The following TSPAN18 variants were observed in gnomAD, a reference collection of about 807,000 sequenced individuals.
TSPAN18 encodes the protein tetraspanin-18.
A neutral mutation model predicts 27.3 loss-of-function variants in TSPAN18; 14 were observed. That is an observed-to-expected ratio of 0.51 (90% CI 0.34 to 0.80). The LOEUF is 0.80. Among genes scored for constraint, TSPAN18 ranks in the 30% least tolerant of loss-of-function variants. The pLI, the probability that TSPAN18 is intolerant of heterozygous loss-of-function variation, is 0.01. For missense variants in TSPAN18, 268 were observed against 323.9 expected, an observed-to-expected ratio of 0.83 and a Z score of 1.32; for synonymous variants, 143 against 136.5, an observed-to-expected ratio of 1.05 and a Z score of -0.33.
intron 2 of TSPAN18, among the ~76,000 whole-genome samples, chr11:44,828,981 TC>T (rs768133622): frequency 1.2e-4 from 18 of 152,156 alleles, no homozygotes; most frequent in Non-Finnish European, 2.5e-4. Context: ...CAATCCCATC[TC>T]TCTACTATAA....
chr11:44,730,663 G>A lies in TSPAN18; in HGVS notation c.-240+3376G>A, dbSNP rs562457075. 6.0e-5 allele frequency among the ~76,000 whole-genome samples: 9 copies of A among 148,796 alleles called. No individual in the cohort carries two copies. The East Asian group carries it at 7.9e-4, about 13-fold the overall frequency. On this transcript the variant is annotated intron_variant, in intron 1 of 9. Transcript: ENST00000520358. ...TTTTGAGAGACAGTCTTGCTCTGTC[G>A]CCCAGGCTGGAGTGCAGTGGTGCGA...
At chr11:44,775,321 G>A (rs574619986) in intron 2 of TSPAN18, among the ~76,000 whole-genome samples, 2 of 152,156 alleles carry the variant, frequency 1.3e-5, no homozygotes, top group Non-Finnish European at 2.9e-5. Context: ...TGGGAACCCC[G>A]TACCTGGAGT....
intron 5 of TSPAN18, among the ~76,000 whole-genome samples, chr11:44,916,180 G>A (rs758192858): frequency 3.3e-5 from 5 of 152,296 alleles, no homozygotes; most frequent in Non-Finnish European, 5.9e-5. Context: ...CTCCCGAGGC[G>A]CTCACTAAGG....
chr11:44,853,556 C>T (rs1405685565), intron 2 of TSPAN18, among the ~76,000 whole-genome samples: 1 of 152,176 alleles, frequency 6.6e-6, no homozygotes, highest in African/African-American at 2.4e-5. Flanking sequence ...TGATAACTGC[C>T]ATCGTCTCCG....
chr11:44,802,173 G>A (rs1299808258), intron 2 of TSPAN18, among the ~76,000 whole-genome samples: 1 of 152,024 alleles, frequency 6.6e-6, no homozygotes, highest in Non-Finnish European at 1.5e-5. Context: ...AATAGAGGGG[G>A]AGTTTGGGAA....
chr11:44,754,267 A>C (rs545229197), intron 1 of TSPAN18, among the ~76,000 whole-genome samples: 9 of 152,304 alleles, frequency 5.9e-5, no homozygotes, highest in African/African-American at 2.2e-4. Context: ...ATAAAGTCTG[A>C]ATTAATAGCC....
chr11:44,820,112 C>G (rs970468151), intron 2 of TSPAN18, among the ~76,000 whole-genome samples: 1 of 152,218 alleles, frequency 6.6e-6, no homozygotes, highest in Admixed American at 6.5e-5. Context: ...AGAATTCTAT[C>G]TCTGGCCAGG....
At position 44,880,875 on chromosome 11, in the gene TSPAN18, G is replaced by C. The variant is rs1858471011; in HGVS notation, c.-11+20406G>C. ...CCGCTCAATGCTGGGCAGGACAGCA[G>C]ACTGCAGGGGTGGGCAACATGACAC... On this transcript the variant is annotated intron_variant, in intron 3 of 9. Coordinates refer to ENST00000520358, the MANE Select transcript of TSPAN18 (RefSeq NM_130783.5). Among the ~76,000 whole-genome samples the C allele has an allele frequency of 2.0e-5, 3 of 152,258 alleles. No individual in the cohort carries two copies. In the South Asian group the frequency reaches 6.2e-4, roughly 31 times the overall value.
intron 3 of TSPAN18, among the ~76,000 whole-genome samples, chr11:44,900,801 C>T (rs760178801): frequency 7.7e-5 from 11 of 142,194 alleles, no homozygotes; most frequent in Non-Finnish European, 1.7e-4. Context: ...TCAAGCAATT[C>T]TCCTGCCTCA....
rs776698664 is a variant in TSPAN18 at position 44,912,383 on chromosome 11, C to T, written c.258+2484C>T. 1.7e-4 allele frequency among the ~76,000 whole-genome samples: 26 copies of T among 151,888 alleles called. No homozygotes were observed. In the East Asian group the frequency reaches 2.7e-3, roughly 16 times the overall value. ...TTTCCTTGTCCCTGTCCTGATCTCT[C>T]CCTCCCCGTTTCCCTGTCTCTCTCT... is the stretch of plus-strand genomic sequence containing the variant. On this transcript the variant is annotated intron_variant, in intron 5 of 9. Transcript: ENST00000520358.
At position 44,906,466 on chromosome 11, in the gene TSPAN18, A is replaced by G. The variant is rs767452971; in HGVS notation, c.50A>G (p.Asn17Ser). ...SCMKYLMFVF[N>S]FFIFLGGACL... ...ATGAAGTATCTGATGTTTGTATTCA[A>G]TTTCTTCATATTTGTAAGTATTCCT... Residue 17 changes from asparagine to serine, a missense_variant, in exon 4 of 10, where the codon AAT (asparagine) becomes AGT (serine). Coordinates refer to ENST00000520358, the MANE Select transcript of TSPAN18 (RefSeq NM_130783.5). The G allele has an allele frequency of 1.4e-5, 23 of 1,614,014 alleles. No homozygotes were observed. Among genetic ancestry groups the G allele is most frequent in the Non-Finnish European group, 1.9e-5 (22 of 1,179,934 alleles).
intron 2 of TSPAN18, among the ~76,000 whole-genome samples, chr11:44,771,014 A>G (rs1855678305): frequency 6.6e-6 from 1 of 152,006 alleles, no homozygotes; most frequent in African/African-American, 2.4e-5. Flanking sequence ...GTGGATGGAG[A>G]TATGCACCTG....
intron 1 of TSPAN18, among the ~76,000 whole-genome samples, chr11:44,753,857 C>T (rs1374915801): frequency 6.6e-6 from 1 of 152,186 alleles, no homozygotes; most frequent in African/African-American, 2.4e-5. Context: ...ACAGCCTATC[C>T]ACTACTCCCA....
chr11:44,782,543 C>T (rs1294366849), intron 2 of TSPAN18, among the ~76,000 whole-genome samples: 1 of 94,320 alleles, frequency 1.1e-5, no homozygotes, highest in African/African-American at 4.6e-5. Flanking sequence ...ACTCCGTCTC[C>T]ACAAAAAAAA....
chr11:44,727,580 G>T (rs951782192), intron 1 of TSPAN18, among the ~76,000 whole-genome samples: 9 of 152,102 alleles, frequency 5.9e-5, no homozygotes, highest in African/African-American at 2.2e-4. Flanking sequence ...GGGTGGAGGA[G>T]TGGGGGCTTC....
chr11:44,814,245 T>A (rs1278539679), intron 2 of TSPAN18, among the ~76,000 whole-genome samples: 1 of 152,124 alleles, frequency 6.6e-6, no homozygotes, highest in Non-Finnish European at 1.5e-5. Flanking sequence ...AGGATTTTTT[T>A]TTTAAGATAA....
At chr11:44,726,900 A>AGGGCGGGGGAGGGGGAGGGAGGGCGG (rs1565122648), upstream of TSPAN18, 1 of 15,992 alleles carries the variant, frequency 6.3e-5, no homozygotes, top group Non-Finnish European at 1.1e-4. Flanking sequence ...AGGGGGAGGG[A>AGGGCGGGGGAGGGGGAGGGAGGGCGG]GGGCGGGGGA....
At chr11:44,859,349 A>G (rs759943849) in intron 2 of TSPAN18, among the ~76,000 whole-genome samples, 1 of 152,208 alleles carries the variant, frequency 6.6e-6, no homozygotes, top group Non-Finnish European at 1.5e-5. Flanking sequence ...TTTATTGAGC[A>G]ATTTCTAGAC....
chr11:44,832,139 G>T (rs1200757642), intron 2 of TSPAN18, among the ~76,000 whole-genome samples: 1 of 152,134 alleles, frequency 6.6e-6, no homozygotes, highest in South Asian at 2.1e-4. Flanking sequence ...TATGACCCAG[G>T]CGTCATTATC....
Sources: gnomAD v4.1 joint callset for allele counts (sites outside exome capture counted in the v4.1 genomes callset) on GRCh38, gnomAD v4.1.1 for gene constraint, MANE v1.5 for transcripts, NCBI Gene and HGNC (gene_info 2026-07-23, HGNC 2026-07-21) for gene names.